Variants in PLPPR1 observed in about 807,000 individuals in gnomAD.
PLPPR1 encodes phospholipid phosphatase-related protein type 1.
In PLPPR1, 10 loss-of-function variants were observed where a neutral mutation model predicts 33.1. That is an observed-to-expected ratio of 0.30 (90% CI 0.19 to 0.51). The LOEUF is 0.51. Ranked by LOEUF, PLPPR1 falls within the 20% of genes least tolerant of loss-of-function variation. PLPPR1 has a pLI of 0.97. For synonymous variants in PLPPR1, 151 were observed against 151.0 expected, an observed-to-expected ratio of 1.00 and a Z score of 0.00; for missense variants, 304 against 408.1, an observed-to-expected ratio of 0.74 and a Z score of 2.20.
At chr9:101,235,559 G>A (rs898913907) in intron 2 of PLPPR1, among the ~76,000 whole-genome samples, 20 of 151,596 alleles carry the variant, frequency 1.3e-4, no homozygotes, top group Non-Finnish European at 2.7e-4. Flanking sequence ...GTTTCATTTA[G>A]AACAGATGAC....
chr9:101,161,284 C>T (rs748755575), intron 1 of PLPPR1, among the ~76,000 whole-genome samples: 8 of 152,006 alleles, frequency 5.3e-5, no homozygotes, highest in South Asian at 4.2e-4. Context: ...CCAAAGATGA[C>T]GAGAAGAATA....
At chr9:101,070,690 C>A (rs1365629803) in intron 1 of PLPPR1, among the ~76,000 whole-genome samples, 2 of 152,082 alleles carry the variant, frequency 1.3e-5, no homozygotes, top group Non-Finnish European at 2.9e-5. Flanking sequence ...TAAACTTGCA[C>A]TCTCAGACTT....
intron 7 of PLPPR1, among the ~76,000 whole-genome samples, chr9:101,319,851 C>T (rs1223300417): frequency 6.6e-6 from 1 of 152,158 alleles, no homozygotes; most frequent in African/African-American, 2.4e-5. Flanking sequence ...GTTCCATAGA[C>T]ATACCAGTCT....
chr9:101,243,215 G>T (rs751035876), intron 2 of PLPPR1, among the ~76,000 whole-genome samples: 1 of 151,980 alleles, frequency 6.6e-6, no homozygotes, highest in African/African-American at 2.4e-5. Flanking sequence ...GACCCAGGTC[G>T]TCAGAATCTT....
chr9:101,182,778 C>CA (rs1317902963), intron 1 of PLPPR1, among the ~76,000 whole-genome samples: 2 of 151,546 alleles, frequency 1.3e-5, no homozygotes, highest in South Asian at 2.1e-4. Context: ...ATAGACTGTA[C>CA]AAAAAACCTT....
intron 1 of PLPPR1, among the ~76,000 whole-genome samples, chr9:101,123,823 G>T (rs953548758): frequency 6.6e-6 from 1 of 152,126 alleles, no homozygotes; most frequent in Non-Finnish European, 1.5e-5. Context: ...AGTCACGAGG[G>T]ATTTTATGCC....
intron 2 of PLPPR1, among the ~76,000 whole-genome samples, chr9:101,239,247 G>C (rs988192757): frequency 2.0e-5 from 3 of 152,020 alleles, no homozygotes; most frequent in Middle Eastern, 3.4e-3. Flanking sequence ...TAGTGGGATG[G>C]CTGGATTGCA....
At chr9:101,183,359 A>G (rs1014915271) in intron 1 of PLPPR1, among the ~76,000 whole-genome samples, 5 of 151,862 alleles carry the variant, frequency 3.3e-5, no homozygotes, top group African/African-American at 1.2e-4. Context: ...GTGCAACAAC[A>G]TGAATGAATC....
intron 2 of PLPPR1, among the ~76,000 whole-genome samples, chr9:101,213,577 G>T (rs1019014639): frequency 8.6e-5 from 13 of 152,040 alleles, no homozygotes; most frequent in Non-Finnish European, 1.5e-5. Context: ...CCATTATCTG[G>T]AGCAATCATG....
At position 101,237,455 on chromosome 9, in the gene PLPPR1, CGTGTGT is replaced by C. The variant is rs57041590; in HGVS notation, c.64-32410_64-32405del. 1.2e-4 allele frequency among the ~76,000 whole-genome samples: 18 copies of C among 148,612 alleles called. 1 individual carries two copies. The East Asian group carries it at 2.8e-3, about 23-fold the overall frequency. On this transcript the variant is annotated intron_variant, in intron 2 of 7. Transcript: ENST00000374874. ...ATCAACTGATTGAATAAAGAAAGGT[CGTGTGT>C]GTGTGTGTGTGTGTATAGCAAAAAT...
intron 3 of PLPPR1, among the ~76,000 whole-genome samples, chr9:101,285,217 G>A (rs975390605): frequency 1.3e-5 from 2 of 152,100 alleles, no homozygotes; most frequent in South Asian, 2.1e-4. Flanking sequence ...ATGAAAACTT[G>A]TCTCTACCAA....
rs76659716 is a variant in PLPPR1, at chr9:101,056,957, G to T, written c.-46+27855G>T. Among the ~76,000 whole-genome samples, 493 of 152,170 alleles carry T rather than the reference G, an allele frequency of 3.2e-3. 6 individuals carry two copies. Among genetic ancestry groups the T allele is most frequent in the African/African-American group, 0.011 (439 of 41,534 alleles). On this transcript the variant is annotated intron_variant, in intron 1 of 7. Transcript: ENST00000374874. ...GAGATGAGCCTACCACATCAGTCAA[G>T]CCAGGCTACTCATTACTCAACCCCC...
intron 4 of PLPPR1, among the ~76,000 whole-genome samples, chr9:101,292,899 A>G (rs905992615): frequency 6.6e-6 from 1 of 151,892 alleles, no homozygotes; most frequent in East Asian, 1.9e-4. Flanking sequence ...GCATCAACTA[A>G]CGAGCAAAAT....
At chr9:101,171,527 G>A (rs1018401760) in intron 1 of PLPPR1, among the ~76,000 whole-genome samples, 1 of 152,150 alleles carries the variant, frequency 6.6e-6, no homozygotes, top group Non-Finnish European at 1.5e-5. Context: ...CGAAGAGACT[G>A]TAGAGAAGGG....
At chr9:101,315,600 T>C (rs968821121) in intron 6 of PLPPR1, among the ~76,000 whole-genome samples, 2 of 152,236 alleles carry the variant, frequency 1.3e-5, no homozygotes, top group African/African-American at 2.4e-5. Context: ...TCAAGTGACT[T>C]CCCAATTGAT....
intron 2 of PLPPR1, chr9:101,187,246 T>C (rs1330773639): frequency 1.3e-5 from 2 of 151,928 alleles, no homozygotes; most frequent in African/African-American, 4.8e-5. Context: ...AGCAATTTTA[T>C]TTTATATTTT....
intron 2 of PLPPR1, among the ~76,000 whole-genome samples, chr9:101,250,540 G>A (rs1827697004): frequency 2.6e-5 from 4 of 151,808 alleles, no homozygotes; most frequent in Non-Finnish European, 5.9e-5. Flanking sequence ...CATATCTCTT[G>A]TACTAATGGA....
At chr9:101,147,626 C>T (rs1485793932) in intron 1 of PLPPR1, among the ~76,000 whole-genome samples, 2 of 152,068 alleles carry the variant, frequency 1.3e-5, no homozygotes, top group East Asian at 1.9e-4. Flanking sequence ...AGAGAGAAGA[C>T]GTAGTTTCAG....
At chr9:101,210,469 G>A (rs990540970) in intron 2 of PLPPR1, among the ~76,000 whole-genome samples, 1 of 152,094 alleles carries the variant, frequency 6.6e-6, no homozygotes, top group South Asian at 2.1e-4. Context: ...GTCTTCTGCA[G>A]GGGGTACTTG....
Sources: gnomAD v4.1 joint callset for allele counts (sites outside exome capture counted in the v4.1 genomes callset) on GRCh38, gnomAD v4.1.1 for gene constraint, MANE v1.5 for transcripts, NCBI Gene and HGNC (gene_info 2026-07-23, HGNC 2026-07-21) for gene names.